The following THRAP3 variants were observed in gnomAD, a reference collection of about 807,000 sequenced individuals.
The protein encoded by THRAP3 is thyroid hormone receptor associated protein 3, also known as thyroid hormone receptor-associated protein 3.
THRAP3 carries 16 observed loss-of-function variants against 101.0 expected under a neutral mutation model. That is an observed-to-expected ratio of 0.16 (90% confidence interval 0.11 to 0.24). The LOEUF is 0.24. THRAP3 is among the 10% of genes least tolerant of loss of function. The pLI is 1.00. For synonymous variants in THRAP3, 407 were observed against 422.6 expected (o/e 0.96, Z 0.45); for missense variants, 989 against 1,202.7 (o/e 0.82, Z 2.63).
chr1:36,275,659 G>A (rs1645650669), intron 2 of THRAP3, among the ~76,000 whole-genome samples: 1 of 150,834 alleles, frequency 6.6e-6, no homozygotes. Context: ...TGCCCAGGCT[G>A]GAGTGCAACA....
intron 11 of THRAP3, among the ~76,000 whole-genome samples, chr1:36,302,804 C>T (rs1428744852): frequency 6.6e-6 from 1 of 152,138 alleles, no homozygotes; most frequent in East Asian, 1.9e-4. Context: ...ATTGTCAGAG[C>T]AAGGATTGTT....
chr1:36,268,866 C>T (rs1645550524), intron 2 of THRAP3, among the ~76,000 whole-genome samples: 1 of 152,128 alleles, frequency 6.6e-6, no homozygotes, highest in Admixed American at 6.5e-5. Flanking sequence ...GCTGTGACTA[C>T]AGGCGCCCGC....
chr1:36,263,895 G>T (rs1645478791), intron 2 of THRAP3, among the ~76,000 whole-genome samples: 1 of 152,200 alleles, frequency 6.6e-6, no homozygotes, highest in South Asian at 2.1e-4. Flanking sequence ...TCTTCCAAAG[G>T]TGAATGTGAC....
In THRAP3 at chr1:36,291,394, A is replaced by G. The variant is rs1645866220; in HGVS notation, c.1766A>G (p.Gln589Arg). The G allele has an allele frequency of 6.2e-7, 1 of 1,613,946 alleles. No homozygotes were observed. The highest frequency in any genetic ancestry group is 8.5e-7 in the Non-Finnish European group (1 of 1,180,010). Residue 589 changes from glutamine (Q) to arginine (R), a missense_variant, in exon 6 of 12, where the codon CAG (glutamine) becomes CGG (arginine). Transcript: ENST00000354618. Reference protein sequence around the residue: ...DLARPSGLLAQERKLCRDLVH... With the variant: ...DLARPSGLLARERKLCRDLVH... ...TTCAGACCCAGTGGCTTATTGGCTC[A>G]GGAACGCAAGCTTTGCCGAGATCTA...
At chr1:36,269,852 C>T (rs1645565833) in intron 2 of THRAP3, among the ~76,000 whole-genome samples, 1 of 152,048 alleles carries the variant, frequency 6.6e-6, no homozygotes, top group South Asian at 2.1e-4. Flanking sequence ...GCTGGGATTA[C>T]AGGTGTGAGC....
At chr1:36,237,909 A>G (rs1374614601) in intron 1 of THRAP3, among the ~76,000 whole-genome samples, 1 of 152,128 alleles carries the variant, frequency 6.6e-6, no homozygotes, top group Non-Finnish European at 1.5e-5. Flanking sequence ...GTAGCCTCAA[A>G]CTCCTGAGCT....
Position 36,287,172 on chromosome 1 carries a change from G to C in THRAP3, c.942G>C (p.Lys314Asn). 6.2e-7 allele frequency: 1 copy of C among 1,614,180 alleles called. No homozygotes were observed. Among genetic ancestry groups the C allele is most frequent in the East Asian group, 2.2e-5 (1 of 44,876 alleles). Residue 314 changes from lysine (K) to asparagine (N), a missense_variant, in exon 4 of 12, where the codon AAG (lysine) becomes AAC (asparagine). Coordinates refer to ENST00000354618, the MANE Select transcript of THRAP3 (RefSeq NM_005119.4). ...HGSGSLSPSK[K>N]SPVGKSPPST... ...CTGGGTCCCTGAGTCCATCCAAAAA[G>C]AGCCCTGTGGGTAAGAGTCCACCAT...
In THRAP3 at chr1:36,237,960, T is replaced by G. The variant is rs529293666; in HGVS notation, c.-135+13455T>G. On this transcript the variant is annotated intron_variant, in intron 1 of 11. Coordinates refer to ENST00000354618, the MANE Select transcript of THRAP3 (RefSeq NM_005119.4). ...CATCAGACTCCTGAGTAACTGGGACTGCAGGTGTGTACCACCATGCCTGGT... is the reference window on the plus strand; with the variant it reads ...CATCAGACTCCTGAGTAACTGGGACGGCAGGTGTGTACCACCATGCCTGGT... Among the ~76,000 whole-genome samples the G allele has an allele frequency of 7.9e-5, 12 of 152,282 alleles. No homozygotes were observed. The South Asian group carries it at 2.3e-3, about 29-fold the overall frequency.
chr1:36,212,745 G>C, the THRAP3 span, among the ~76,000 whole-genome samples: 1 of 152,054 alleles, frequency 6.6e-6, no homozygotes, highest in African/African-American at 2.4e-5. Context: ...TGGATTATCA[G>C]AGTGCTGCTA....
At chr1:36,244,096 T>C (rs1380643971) in intron 1 of THRAP3, among the ~76,000 whole-genome samples, 1 of 152,200 alleles carries the variant, frequency 6.6e-6, no homozygotes, top group Non-Finnish European at 1.5e-5. Context: ...TGAGGAACTT[T>C]CTACTTAAGA....
At chr1:36,288,632 A>G (rs1287244576) in intron 4 of THRAP3, 1 of 985,360 alleles carries the variant, frequency 1.0e-6, no homozygotes, top group Non-Finnish European at 1.2e-6. Flanking sequence ...TGTGAGTTGT[A>G]TAAAAGCAAA....
chr1:36,275,699 G>T (rs192677848), intron 2 of THRAP3, among the ~76,000 whole-genome samples: 77 of 150,850 alleles, frequency 5.1e-4, no homozygotes, highest in Admixed American at 1.1e-3. Flanking sequence ...TTCAACAAAT[G>T]GTGCTAGATC....
Position 36,291,521 on chromosome 1 carries a change from A to G in THRAP3, c.1893A>G (p.Ile631Met), listed in dbSNP as rs1002211726. The G allele has an allele frequency of 6.8e-6, 11 of 1,614,116 alleles. No individual in the cohort carries two copies. The highest frequency in any genetic ancestry group is 1.3e-5 in the African/African-American group (1 of 74,946). The stretch of plus-strand genomic sequence containing the variant: ...CCTCAGAACTGTTTGCCCAACATAT[A>G]GTGACCATTGTTCACCATGTTAAAG... The part of the protein sequence containing the change: ...RSPSELFAQH[I>M]VTIVHHVKEH... Residue 631 changes from isoleucine to methionine, a missense_variant, in exon 6 of 12, where the codon ATA becomes ATG. By Grantham distance (10) the Ile-to-Met change is conservative. Transcript: ENST00000354618.
chr1:36,301,291 A>C (rs1256420442), intron 10 of THRAP3, among the ~76,000 whole-genome samples: 1 of 152,134 alleles, frequency 6.6e-6, no homozygotes, highest in Non-Finnish European at 1.5e-5. Context: ...AAAGCCTCTT[A>C]TGGCTTCTGG....
At chr1:36,300,762 AC>A in intron 9 of THRAP3, 123 bp from the exon 10 acceptor site, 1 of 907,310 alleles carries the variant, frequency 1.1e-6, no homozygotes, top group Non-Finnish European at 1.7e-6. Context: ...TTATAAGGTT[AC>A]TCATCATCAG....
intron 1 of THRAP3, among the ~76,000 whole-genome samples, chr1:36,249,120 A>G (rs1645266617): frequency 6.6e-6 from 1 of 151,338 alleles, no homozygotes; most frequent in Admixed American, 6.6e-5. Context: ...ACTCCAGACC[A>G]CAGGCTGTCC....
chr1:36,263,919 TC>T (rs1308593864), intron 2 of THRAP3, among the ~76,000 whole-genome samples: 3 of 152,224 alleles, frequency 2.0e-5, no homozygotes, highest in Non-Finnish European at 4.4e-5. Flanking sequence ...TTGACTTAGG[TC>T]TTTCTTGATA....
chr1:36,217,360 C>G, the THRAP3 span, among the ~76,000 whole-genome samples: 11 of 151,954 alleles, frequency 7.2e-5, no homozygotes, highest in African/African-American at 2.7e-4. Flanking sequence ...CTGAGTATGC[C>G]AGGTCACTCA....
chr1:36,243,701 T>G (rs1385396425), intron 1 of THRAP3, among the ~76,000 whole-genome samples: 2 of 152,206 alleles, frequency 1.3e-5, no homozygotes, highest in Non-Finnish European at 2.9e-5. Context: ...CCGTTCTCAA[T>G]GAGCCGCTGG....
Sources: allele counts gnomAD v4.1 joint callset (sites outside exome capture counted in the v4.1 genomes callset), GRCh38; gene constraint gnomAD v4.1.1; transcripts MANE v1.5; gene names NCBI Gene and HGNC (gene_info 2026-07-23, HGNC 2026-07-21).